Variants in COL25A1 observed in about 807,000 individuals in gnomAD.
The protein encoded by COL25A1 is collagen type XXV alpha 1 chain.
COL25A1 carries 103 observed loss-of-function variants against 128.4 expected under a neutral mutation model. That is an observed-to-expected ratio of 0.80 (90% CI 0.68 to 0.94). The LOEUF (loss-of-function observed/expected upper bound fraction) is 0.94. Ranked by LOEUF, COL25A1 falls within the 40% of genes least tolerant of loss-of-function variation. COL25A1 has a pLI of 0.00. For synonymous variants in COL25A1, 279 were observed against 277.2 expected (o/e 1.01, Z -0.06); for missense variants, 745 against 840.0 (o/e 0.89, Z 1.40).
chr4:109,247,991 G>A (rs1472516364), intron 3 of COL25A1, among the ~76,000 whole-genome samples: 1 of 152,092 alleles, frequency 6.6e-6, no homozygotes, highest in Non-Finnish European at 1.5e-5. Context: ...AGGAGGTATA[G>A]TCAACAGAGT....
At chr4:108,824,946 A>G (rs909074586) in intron 34 of COL25A1, among the ~76,000 whole-genome samples, 1 of 152,148 alleles carries the variant, frequency 6.6e-6, no homozygotes, top group African/African-American at 2.4e-5. Context: ...TCAATTTGGG[A>G]AAGTATTTTG....
chr4:109,205,622 C>T (rs1776917613), intron 3 of COL25A1, among the ~76,000 whole-genome samples: 1 of 152,114 alleles, frequency 6.6e-6, no homozygotes, highest in South Asian at 2.1e-4. Context: ...TTCCAGGCCA[C>T]CCCTGATCAT....
rs188677112 is a variant in COL25A1 at position 109,231,008 on chromosome 4, G to A, written c.367+69575C>T. On this transcript the variant is annotated intron_variant, in intron 3 of 37. Coordinates refer to ENST00000399132, the MANE Select transcript of COL25A1 (RefSeq NM_198721.4). ...AAAAAAATTAGCCAGGCGTGGTGGC[G>A]CATGCCTGTAGTCCCAGGTACTCAG... Among the ~76,000 whole-genome samples the A allele has an allele frequency of 1.3e-3, 193 of 152,104 alleles. 1 individual carries two copies. Among genetic ancestry groups the A allele is most frequent in the African/African-American group, 3.4e-3 (142 of 41,518 alleles).
chr4:109,056,038 T>A (rs1250416807), intron 3 of COL25A1, among the ~76,000 whole-genome samples: 1 of 152,190 alleles, frequency 6.6e-6, no homozygotes, highest in African/African-American at 2.4e-5. Flanking sequence ...CGAAAGTTAA[T>A]CATAATAAAT....
At chr4:109,031,382 C>G (rs530166826) in intron 5 of COL25A1, among the ~76,000 whole-genome samples, 7 of 152,206 alleles carry the variant, frequency 4.6e-5, no homozygotes, top group Non-Finnish European at 8.8e-5. Context: ...TCCCAAAGTG[C>G]TAGGATTACA....
chr4:109,012,850 G>A (rs552013579), intron 5 of COL25A1, among the ~76,000 whole-genome samples: 1 of 152,348 alleles, frequency 6.6e-6, no homozygotes, highest in East Asian at 1.9e-4. Flanking sequence ...AAGGGCTGAG[G>A]AGTGCAGGCG....
intron 3 of COL25A1, among the ~76,000 whole-genome samples, chr4:109,112,091 T>C (rs2126039865): frequency 6.6e-6 from 1 of 152,226 alleles, no homozygotes; most frequent in South Asian, 2.1e-4. Context: ...TAAATGTTTA[T>C]TGAGGGAATT....
chr4:109,083,127 T>C (rs1164019200), intron 3 of COL25A1, among the ~76,000 whole-genome samples: 1 of 152,198 alleles, frequency 6.6e-6, no homozygotes, highest in East Asian at 1.9e-4. Context: ...CAAAGAAGCA[T>C]TCATCTATTT....
At chr4:109,197,179 A>G (rs1776109628) in intron 3 of COL25A1, among the ~76,000 whole-genome samples, 1 of 150,224 alleles carries the variant, frequency 6.7e-6, no homozygotes, top group South Asian at 2.1e-4. Context: ...AAAAAGAATT[A>G]GCCAGGTGTG....
intron 3 of COL25A1, among the ~76,000 whole-genome samples, chr4:109,215,667 T>C (rs969934061): frequency 1.3e-5 from 2 of 152,128 alleles, no homozygotes; most frequent in African/African-American, 2.4e-5. Context: ...TAGTTCTTTG[T>C]TACCTAAGAA....
At chr4:108,925,360 C>T (rs1446236195) in intron 11 of COL25A1, among the ~76,000 whole-genome samples, 3 of 148,354 alleles carry the variant, frequency 2.0e-5, no homozygotes, top group Non-Finnish European at 4.5e-5. Flanking sequence ...GTGGTGGGGG[C>T]GGGGCGGTCA....
chr4:109,164,433 T>C (rs1260445460), intron 3 of COL25A1, among the ~76,000 whole-genome samples: 1 of 152,096 alleles, frequency 6.6e-6, no homozygotes, highest in Non-Finnish European at 1.5e-5. Context: ...TTTGTTTGTT[T>C]GTTTGTTTGA....
At position 109,087,395 on chromosome 4, in the gene COL25A1, C is replaced by T. The variant is rs143903176; in HGVS notation, c.368-37216G>A. ...TTAACTGCACCACCCACCCCGCCTG[C>T]GCCACACCTAGATGACAGCAGACAT... is the stretch of plus-strand genomic sequence containing the variant. On this transcript the variant is annotated intron_variant, in intron 3 of 37. Transcript: ENST00000399132. Among the ~76,000 whole-genome samples, 7 of 152,288 alleles carry T rather than the reference C, an allele frequency of 4.6e-5. No homozygotes were observed. In the South Asian group the frequency reaches 1.2e-3, roughly 27 times the overall value.
At chr4:109,051,616 T>TACACACACACAC (rs757614145) in intron 3 of COL25A1, among the ~76,000 whole-genome samples, 1,834 of 112,392 alleles carry the variant, frequency 0.016, 29 homozygotes, top group African/African-American at 0.025. Flanking sequence ...CAAACACACA[T>TACACACACACAC]ACATACACAC....
chr4:108,827,281 G>T, intron 32 of COL25A1, 93 bp from the exon 33 acceptor site: 1 of 1,082,520 alleles, frequency 9.2e-7, no homozygotes, highest in Non-Finnish European at 1.4e-6. Context: ...CTATTTCAAG[G>T]ACCATTCTAT....
At chr4:109,233,101 A>T (rs939560303) in intron 3 of COL25A1, among the ~76,000 whole-genome samples, 5 of 152,088 alleles carry the variant, frequency 3.3e-5, no homozygotes, top group African/African-American at 1.2e-4. Context: ...TATGGCTTTC[A>T]CCTGCATATT....
intron 3 of COL25A1, among the ~76,000 whole-genome samples, chr4:109,199,175 T>C (rs1242894327): frequency 6.6e-6 from 1 of 152,234 alleles, no homozygotes; most frequent in Non-Finnish European, 1.5e-5. Context: ...AAAAATGTTT[T>C]ATAATTTTAC....
At chr4:108,897,147 G>T (rs1215410530) in intron 15 of COL25A1, among the ~76,000 whole-genome samples, 3 of 151,934 alleles carry the variant, frequency 2.0e-5, no homozygotes, top group Admixed American at 2.0e-4. Context: ...TATAAATCCT[G>T]TCCTGTCTTC....
chr4:109,142,690 T>A (rs980009043), intron 3 of COL25A1, among the ~76,000 whole-genome samples: 2 of 152,152 alleles, frequency 1.3e-5, no homozygotes, highest in African/African-American at 4.8e-5. Context: ...TTGATCTTTG[T>A]TGGCTTAAAG....
Sources: gnomAD v4.1 joint callset for allele counts (sites outside exome capture counted in the v4.1 genomes callset) on GRCh38, gnomAD v4.1.1 for gene constraint, MANE v1.5 for transcripts, NCBI Gene and HGNC (gene_info 2026-07-23, HGNC 2026-07-21) for gene names.